The following TENM3 variants were observed in gnomAD, a reference collection of about 807,000 sequenced individuals.
TENM3 encodes teneurin-3.
TENM3 carries 63 observed loss-of-function variants against 255.1 expected under a neutral mutation model. That is an observed-to-expected ratio of 0.25 (90% CI 0.20 to 0.30). The LOEUF is 0.30. TENM3 is among the 10% of genes least tolerant of loss of function. The pLI is 1.00. For missense variants in TENM3, 2,929 were observed against 3,461.1 expected, an observed-to-expected ratio of 0.85 and a Z score of 3.86; for synonymous variants, 1,306 against 1,322.3, an observed-to-expected ratio of 0.99 and a Z score of 0.27.
chr4:182,272,061 T>C (rs1759670955), intron 1 of TENM3, among the ~76,000 whole-genome samples: 2 of 152,214 alleles, frequency 1.3e-5, no homozygotes, highest in Admixed American at 1.3e-4. Context: ...GGTGAATTAT[T>C]GTATAGTGAA....
At chr4:181,619,990 A>G in the TENM3 span, among the ~76,000 whole-genome samples, 1 of 151,994 alleles carries the variant, frequency 6.6e-6, no homozygotes, top group Non-Finnish European at 1.5e-5. Context: ...ATTTTTTCTC[A>G]TTTAAAATAT....
chr4:182,030,132 T>C, the TENM3 span, among the ~76,000 whole-genome samples: 8 of 151,610 alleles, frequency 5.3e-5, no homozygotes. Flanking sequence ...GTTTGTTACA[T>C]AGGTAAACGT....
intron 3 of TENM3, among the ~76,000 whole-genome samples, chr4:182,364,901 TA>T (rs1473947129): frequency 7.2e-5 from 11 of 152,262 alleles, no homozygotes; most frequent in African/African-American, 2.7e-4. Context: ...TCTTTGCCTC[TA>T]ATTCTGTTAT....
At chr4:181,651,200 T>C in the TENM3 span, among the ~76,000 whole-genome samples, 10 of 152,348 alleles carry the variant, frequency 6.6e-5, no homozygotes, top group South Asian at 4.1e-4. Context: ...TGCATGGATA[T>C]GAAAATGGAA....
intron 1 of TENM3, among the ~76,000 whole-genome samples, chr4:182,272,417 G>T (rs546335837): frequency 6.6e-6 from 1 of 152,288 alleles, no homozygotes; most frequent in East Asian, 1.9e-4. Context: ...AGATTCACCA[G>T]ATAAAGAAAC....
At chr4:182,617,463 T>C (rs1185646787) in intron 4 of TENM3, among the ~76,000 whole-genome samples, 4 of 152,198 alleles carry the variant, frequency 2.6e-5, no homozygotes. Context: ...TCATTTGCTT[T>C]AGATCTGAAA....
intron 12 of TENM3, among the ~76,000 whole-genome samples, chr4:182,693,414 G>A (rs1380389882): frequency 6.6e-6 from 1 of 150,996 alleles, no homozygotes. Flanking sequence ...TCGGGTCACT[G>A]CAAACTCCAC....
the TENM3 span, among the ~76,000 whole-genome samples, chr4:182,106,729 G>A: frequency 6.6e-6 from 1 of 152,132 alleles, no homozygotes; most frequent in Admixed American, 6.6e-5. Context: ...CTTTGAAGCT[G>A]GGAGCATAAT....
chr4:181,676,077 A>AG, the TENM3 span, among the ~76,000 whole-genome samples: 255 of 151,890 alleles, frequency 1.7e-3, no homozygotes, highest in Non-Finnish European at 2.9e-3. Context: ...GGCTGCGGGA[A>AG]GGGGGGGTGC....
chr4:182,445,789 T>C (rs1474984764), intron 3 of TENM3, among the ~76,000 whole-genome samples: 1 of 152,172 alleles, frequency 6.6e-6, no homozygotes, highest in Non-Finnish European at 1.5e-5. Context: ...CAACATAAAA[T>C]AGCCACATAA....
At chr4:182,560,729 A>G (rs1273939385) in intron 3 of TENM3, among the ~76,000 whole-genome samples, 1 of 152,154 alleles carries the variant, frequency 6.6e-6, no homozygotes, top group Non-Finnish European at 1.5e-5. Context: ...AGCAGTTCTG[A>G]TGGTGCCACA....
chr4:181,681,790 G>T, the TENM3 span, among the ~76,000 whole-genome samples: 35,034 of 151,842 alleles, frequency 0.23, 4,424 homozygotes, highest in African/African-American at 0.33. Flanking sequence ...TAAAGTGGGT[G>T]ATTTTTCTAA....
the TENM3 span, among the ~76,000 whole-genome samples, chr4:182,085,559 A>T: frequency 1.3e-5 from 2 of 152,350 alleles, no homozygotes; most frequent in Middle Eastern, 6.8e-3. Context: ...TGGCTAACAT[A>T]AAAATGTGCC....
At chr4:181,535,814 T>C in the TENM3 span, among the ~76,000 whole-genome samples, 8 of 152,242 alleles carry the variant, frequency 5.3e-5, no homozygotes, top group Non-Finnish European at 8.8e-5. Context: ...TTAGATGTCA[T>C]TCAAAGATCA....
chr4:181,555,118 C>T, the TENM3 span, among the ~76,000 whole-genome samples: 1 of 152,184 alleles, frequency 6.6e-6, no homozygotes, highest in Non-Finnish European at 1.5e-5. Context: ...TGAGTGCTAA[C>T]ATTTATTGAG....
At position 182,679,711 on chromosome 4, in the gene TENM3, G is replaced by C; in HGVS notation, c.1372G>C (p.Glu458Gln). 1 of 1,613,454 alleles carries C rather than the reference G, an allele frequency of 6.2e-7. No individual in the cohort carries two copies. Residue 458 changes from glutamate to glutamine, a missense_variant, in exon 8 of 28, where the codon GAG becomes CAG. Coordinates refer to ENST00000511685, the MANE Select transcript of TENM3 (RefSeq NM_001080477.4). ...LLDGSRLIAR[E>Q]QRSLLETERA... ...GGATGGCAGCAGGCTGATTGCCAGA[G>C]AGCAGCGGAGCCTGCTTGAGACGGA...
intron 3 of TENM3, among the ~76,000 whole-genome samples, chr4:182,397,550 G>A (rs1043651954): frequency 6.6e-6 from 1 of 152,020 alleles, no homozygotes; most frequent in African/African-American, 2.4e-5. Flanking sequence ...TATTAAGACT[G>A]TGATGTGCCT....
chr4:182,257,234 T>C (rs1758462941), intron 1 of TENM3, among the ~76,000 whole-genome samples: 2 of 152,326 alleles, frequency 1.3e-5, no homozygotes, highest in South Asian at 4.1e-4. Context: ...GCTGACAGAC[T>C]GAGACCACCC....
intron 1 of TENM3, among the ~76,000 whole-genome samples, chr4:182,278,628 C>T (rs1337503429): frequency 6.7e-6 from 1 of 149,470 alleles, no homozygotes; most frequent in African/African-American, 2.5e-5. Context: ...ACTGGCTTAT[C>T]ACATGCCCTT....
Sources: gnomAD v4.1 joint callset for allele counts (sites outside exome capture counted in the v4.1 genomes callset) on GRCh38, gnomAD v4.1.1 for gene constraint, MANE v1.5 for transcripts, NCBI Gene and HGNC (gene_info 2026-07-23, HGNC 2026-07-21) for gene names.